Variants in NBAS observed in about 807,000 individuals in gnomAD.
NBAS encodes the protein NBAS subunit of NRZ tethering complex.
In NBAS, 219 loss-of-function variants were observed where a neutral mutation model predicts 302.5. The observed-to-expected ratio is 0.72, with a 90% confidence interval of 0.65 to 0.81. The LOEUF (loss-of-function observed/expected upper bound fraction) is 0.81. Ranked by LOEUF, NBAS falls within the 30% of genes least tolerant of loss-of-function variation. NBAS has a pLI of 0.00. For missense variants in NBAS, 2,932 were observed against 2,841.6 expected (o/e 1.03, Z -0.72); for synonymous variants, 1,118 against 1,021.6 (o/e 1.09, Z -1.80).
chr2:15,000,980 G>A, the NBAS span, among the ~76,000 whole-genome samples: 1 of 152,194 alleles, frequency 6.6e-6, no homozygotes, highest in Non-Finnish European at 1.5e-5. Flanking sequence ...AGTACATGAT[G>A]GGAACAGACA....
At chr2:15,476,183 G>A (rs921288465) in intron 13 of NBAS, among the ~76,000 whole-genome samples, 1 of 152,112 alleles carries the variant, frequency 6.6e-6, no homozygotes, top group Non-Finnish European at 1.5e-5. Flanking sequence ...TCAGGAGAGA[G>A]ATGTGTCACT....
chr2:15,469,399 G>A (rs1275693163), intron 16 of NBAS, among the ~76,000 whole-genome samples: 2 of 152,054 alleles, frequency 1.3e-5, no homozygotes, highest in African/African-American at 2.4e-5. Flanking sequence ...CTGGTATGTT[G>A]TGTCTTTGTT....
chr2:14,957,259 C>T, the NBAS span, among the ~76,000 whole-genome samples: 2 of 144,796 alleles, frequency 1.4e-5, no homozygotes, highest in Non-Finnish European at 1.5e-5. Context: ...ATCTTACTGG[C>T]GTTTAGTTTA....
the NBAS span, among the ~76,000 whole-genome samples, chr2:14,792,413 G>T: frequency 6.6e-6 from 1 of 152,106 alleles, no homozygotes; most frequent in Non-Finnish European, 1.5e-5. Context: ...TATTCGTGGT[G>T]TATCCTTGTG....
chr2:15,273,514 G>A (rs1225348932), intron 44 of NBAS, among the ~76,000 whole-genome samples: 1 of 152,176 alleles, frequency 6.6e-6, no homozygotes, highest in Admixed American at 6.5e-5. Flanking sequence ...AAGGCCAGGG[G>A]ATAAATCTCC....
the NBAS span, among the ~76,000 whole-genome samples, chr2:15,124,852 A>C: frequency 7.2e-5 from 11 of 152,206 alleles, no homozygotes; most frequent in Non-Finnish European, 1.3e-4. Context: ...CAAAGGACGT[A>C]TCAGAAAGCC....
intron 29 of NBAS, among the ~76,000 whole-genome samples, 163 bp downstream of exon 29, chr2:15,383,050 GGT>G (rs1218618847): frequency 6.6e-6 from 1 of 152,086 alleles, no homozygotes; most frequent in East Asian, 1.9e-4. Context: ...GGAGACAGGA[GGT>G]TAAGGAATAA....
chr2:15,002,359 G>C, the NBAS span, among the ~76,000 whole-genome samples: 3 of 152,192 alleles, frequency 2.0e-5, no homozygotes, highest in South Asian at 6.2e-4. Context: ...GCTAGACACA[G>C]GGGGTTGATT....
At chr2:15,135,867 T>TA in the NBAS span, among the ~76,000 whole-genome samples, 16,546 of 132,306 alleles carry the variant, frequency 0.13, 1,517 homozygotes, top group East Asian at 0.45. Context: ...GCTGATGAGC[T>TA]AAAAAAAAAA....
chr2:15,559,063 A>AAAAAAAG, intron 1 of NBAS, among the ~76,000 whole-genome samples: 1 of 34,674 alleles, frequency 2.9e-5, no homozygotes, highest in Non-Finnish European at 4.6e-5. Flanking sequence ...ACCCTGCCTC[A>AAAAAAAG]AAAAAAAAAA....
rs1677007216 is a variant in NBAS, at chr2:15,417,586, T to C, written c.2704A>G (p.Thr902Ala). 3.1e-6 allele frequency: 5 copies of C among 1,613,872 alleles called. No homozygotes were observed. The South Asian group carries it at 3.3e-5, about 11-fold the overall frequency. The change falls in exon 24 of 52, where the codon ACC becomes GCC. Residue 902 changes from threonine (T) to alanine (A), a missense_variant. By Grantham distance (58) the Thr-to-Ala change is moderately conservative (BLOSUM62 0). Transcript: ENST00000281513. ...VYEARCDVTL[T>A]LKELQQMKDI... ...TTCATCTGCTGGAGTTCTTTCAGGGTTAGAGTTACATCACACCTGGCTTCA... is the reference window on the plus strand; with the variant it reads ...TTCATCTGCTGGAGTTCTTTCAGGGCTAGAGTTACATCACACCTGGCTTCA...
At chr2:15,261,457 C>T (rs1326365424) in intron 44 of NBAS, among the ~76,000 whole-genome samples, 2 of 152,196 alleles carry the variant, frequency 1.3e-5, no homozygotes, top group South Asian at 2.1e-4. Flanking sequence ...TTCATTTATA[C>T]ACTTAACATC....
the NBAS span, among the ~76,000 whole-genome samples, chr2:15,063,485 C>T: frequency 6.6e-6 from 1 of 152,052 alleles, no homozygotes; most frequent in Non-Finnish European, 1.5e-5. Context: ...TCACATTTTT[C>T]ACAACTGATT....
chr2:14,905,365 A>G, the NBAS span, among the ~76,000 whole-genome samples: 5 of 152,294 alleles, frequency 3.3e-5, no homozygotes, highest in South Asian at 2.1e-4. Flanking sequence ...CTAACTGAAG[A>G]CTCCAAAAGT....
Position 15,327,890 on chromosome 2 carries a change from T to C in NBAS, c.4462-20A>G. 6.2e-7 allele frequency: 1 copy of C among 1,613,386 alleles called. No individual in the cohort carries two copies. The highest frequency in any genetic ancestry group is 8.5e-7 in the Non-Finnish European group (1 of 1,179,674). ...TTCAGACTACACAAAAGAAGCAGTT[T>C]CACTATCTAGTAGGGTGCCTTTTGT... On this transcript the variant is annotated intron_variant, in intron 37 of 51. Coordinates refer to ENST00000281513, the MANE Select transcript of NBAS (RefSeq NM_015909.4).
intron 51 of NBAS, among the ~76,000 whole-genome samples, chr2:15,170,084 C>T (rs963089799): frequency 6.6e-6 from 1 of 152,206 alleles, no homozygotes; most frequent in African/African-American, 2.4e-5. Flanking sequence ...TAGGCTGGGA[C>T]ACCTTTATTA....
At chr2:15,388,751 G>C (rs1165711063) in intron 28 of NBAS, among the ~76,000 whole-genome samples, 1 of 152,112 alleles carries the variant, frequency 6.6e-6, no homozygotes, top group African/African-American at 2.4e-5. Flanking sequence ...TCCATCAACA[G>C]AGAATGTATA....
chr2:15,528,887 A>ATATATATGTGTG (rs1173987792), intron 9 of NBAS, among the ~76,000 whole-genome samples: 15 of 144,388 alleles, frequency 1.0e-4, no homozygotes, highest in East Asian at 2.0e-4. Flanking sequence ...AAATATATAT[A>ATATATATGTGTG]TATATATATA....
At chr2:15,432,657 T>C (rs1183992800) in intron 21 of NBAS, among the ~76,000 whole-genome samples, 8 of 152,294 alleles carry the variant, frequency 5.3e-5, no homozygotes, top group South Asian at 2.1e-4. Flanking sequence ...GGCTTTAAAA[T>C]GTGGAGTTAT....
Sources: gnomAD v4.1 joint callset for allele counts (sites outside exome capture counted in the v4.1 genomes callset) on GRCh38, gnomAD v4.1.1 for gene constraint, MANE v1.5 for transcripts, NCBI Gene and HGNC (gene_info 2026-07-23, HGNC 2026-07-21) for gene names.